Variants in ICA1L observed in about 807,000 individuals in gnomAD.
The protein encoded by ICA1L is islet cell autoantigen 1-like protein.
Under a neutral mutation model 61.3 loss-of-function variants are expected in ICA1L, and 50 were observed. The observed-to-expected ratio is 0.82, with a 90% CI of 0.65 to 1.03. ICA1L has a LOEUF of 1.03. Ranked by LOEUF, ICA1L falls within the 50% of genes least tolerant of loss-of-function variation. The pLI is 0.00. For missense variants in ICA1L, 508 were observed against 556.7 expected, an observed-to-expected ratio of 0.91 and a Z score of 0.88; for synonymous variants, 161 against 191.3, an observed-to-expected ratio of 0.84 and a Z score of 1.31.
chr2:202,780,778 C>A (rs1387667679), intron 12 of ICA1L, among the ~76,000 whole-genome samples: 2 of 152,124 alleles, frequency 1.3e-5, no homozygotes, highest in African/African-American at 2.4e-5. Context: ...TCTGAGTACC[C>A]TGAAGTAGTA....
Position 202,850,733 on chromosome 2 carries a change from G to C in ICA1L, c.-8+20886C>G, listed in dbSNP as rs115297421. On this transcript the variant is annotated intron_variant, in intron 1 of 12. Transcript: ENST00000358299. ...ACACAGTTCAGGATATTATCGAGGA[G>C]AACTTCCCCAACCTAGCAAGAAAGG... Among the ~76,000 whole-genome samples, 489 of 152,282 alleles carry C rather than the reference G, an allele frequency of 3.2e-3. 4 individuals are homozygous for C. The highest frequency in any genetic ancestry group is 0.011 in the African/African-American group (471 of 41,548).
At chr2:202,856,354 T>C (rs1031867330) in intron 1 of ICA1L, among the ~76,000 whole-genome samples, 2 of 152,140 alleles carry the variant, frequency 1.3e-5, no homozygotes, top group African/African-American at 4.8e-5. Context: ...TAATCCATCA[T>C]ATAAACAGAA....
intron 1 of ICA1L, among the ~76,000 whole-genome samples, chr2:202,857,482 G>T (rs762062793): frequency 9.9e-5 from 15 of 151,934 alleles, no homozygotes; most frequent in Non-Finnish European, 2.9e-5. Flanking sequence ...AACTCAAGAT[G>T]GATTAAAGAC....
Position 202,773,588 on chromosome 2 carries a change from TC to T in ICA1L, c.*5944del. Reference sequence around the variant, plus strand: ...AAAGAAGCGTCTGCAACTTAAGCCGTCCACAGTCCTAAGCCTGATATGCTCA... The same window carrying T: ...AAAGAAGCGTCTGCAACTTAAGCCGTCACAGTCCTAAGCCTGATATGCTCA... On this transcript the variant is annotated 3_prime_UTR_variant, in exon 13 of 13. Coordinates refer to ENST00000358299, the MANE Select transcript of ICA1L (RefSeq NM_001288622.3). The T allele has an allele frequency of 2.0e-6, 1 of 492,538 alleles. No homozygotes were observed. The highest frequency in any genetic ancestry group is 3.6e-6 in the Non-Finnish European group (1 of 276,660). The allele number at this position is 492,538 out of a possible 1,614,324, so 30.5% of individuals were successfully genotyped here.
intron 1 of ICA1L, among the ~76,000 whole-genome samples, chr2:202,859,083 C>T (rs1179136186): frequency 6.6e-6 from 1 of 152,132 alleles, no homozygotes; most frequent in Non-Finnish European, 1.5e-5. Flanking sequence ...AGATTATAGG[C>T]TCTTTTGTCT....
At chr2:202,820,053 A>G in intron 4 of ICA1L, 154 bp from the exon 5 acceptor site, 1 of 629,118 alleles carries the variant, frequency 1.6e-6, no homozygotes, top group Admixed American at 2.9e-5. Flanking sequence ...GCAAATAAGG[A>G]TCATATAGCC....
chr2:202,797,054 C>A, intron 9 of ICA1L, 90 bp from the exon 10 acceptor site: 2 of 735,604 alleles, frequency 2.7e-6, no homozygotes, highest in South Asian at 3.9e-5. Context: ...GTCAAGTGTT[C>A]AATTGACCAA....
Position 202,774,258 on chromosome 2 carries a change from A to T in ICA1L, c.*5275T>A, listed in dbSNP as rs950081715. ...TGAGTCTTCTCGCTCCTGTCGGCCA[A>T]AGGCCGTGACCCCGACGCGTGCAGG... On this transcript the variant is annotated 3_prime_UTR_variant, in exon 13 of 13. Transcript: ENST00000358299. 26 of 1,545,580 alleles carry T rather than the reference A, an allele frequency of 1.7e-5. No individual in the cohort carries two copies. The highest frequency in any genetic ancestry group is 2.4e-5 in the South Asian group (2 of 83,768).
chr2:202,840,987 G>A (rs1297670989), intron 1 of ICA1L: 6 of 676,758 alleles, frequency 8.9e-6, no homozygotes, highest in East Asian at 7.0e-5. Context: ...CTCATACTGC[G>A]CCTTGACCTC....
intron 1 of ICA1L, chr2:202,841,595 C>A (rs935762481): frequency 3.1e-5 from 21 of 670,962 alleles, no homozygotes; most frequent in Non-Finnish European, 5.0e-5. Flanking sequence ...GCTTCCCATG[C>A]CACTGGCCCC....
chr2:202,811,716 C>A, intron 9 of ICA1L, 30 bp downstream of exon 9: 1 of 1,427,414 alleles, frequency 7.0e-7, no homozygotes, highest in Non-Finnish European at 9.8e-7. Flanking sequence ...AAAATGTGAC[C>A]ATTTCAAAGT....
intron 11 of ICA1L, among the ~76,000 whole-genome samples, chr2:202,787,902 C>A (rs1692635561): frequency 6.6e-6 from 1 of 152,178 alleles, no homozygotes. Context: ...GACTGACAAT[C>A]ATGGAGAAAA....
chr2:202,857,370 T>TG (rs1344891349), intron 1 of ICA1L, among the ~76,000 whole-genome samples: 7 of 152,056 alleles, frequency 4.6e-5, no homozygotes, highest in African/African-American at 1.7e-4. Context: ...AAACAAGCAA[T>TG]GGGGAAAGGA....
At chr2:202,846,300 T>A (rs1694462517) in intron 1 of ICA1L, among the ~76,000 whole-genome samples, 1 of 151,774 alleles carries the variant, frequency 6.6e-6, no homozygotes, top group Non-Finnish European at 1.5e-5. Context: ...TAGGCTGGAG[T>A]GCAGCAGTGC....
chr2:202,809,419 C>T (rs1057136582), intron 9 of ICA1L, among the ~76,000 whole-genome samples: 2 of 151,944 alleles, frequency 1.3e-5, no homozygotes. Context: ...AGAGGCCAAG[C>T]GGGTGGATCA....
Position 202,795,464 on chromosome 2 carries a change from G to A in ICA1L, c.985+1426C>T, listed in dbSNP as rs746335892. ...TACAAAATTAGCCAGGCATGGTGGC[G>A]GATGCCTGTAATCCCAGCTACTTGG... On this transcript the variant is annotated intron_variant, in intron 10 of 12. Transcript: ENST00000358299. 1.7e-4 allele frequency among the ~76,000 whole-genome samples: 26 copies of A among 151,982 alleles called. 1 individual carries two copies. Among genetic ancestry groups the A allele is most frequent in the African/African-American group, 4.8e-4 (20 of 41,404 alleles).
At chr2:202,798,165 A>C (rs72932745) in intron 9 of ICA1L, among the ~76,000 whole-genome samples, 13,967 of 152,222 alleles carry the variant, frequency 0.092, 758 homozygotes, top group Non-Finnish European at 0.13. Context: ...AATTTTATTT[A>C]TCTGTTCATC....
At chr2:202,817,708 TGAA>T (rs536976407) in intron 5 of ICA1L, among the ~76,000 whole-genome samples, 165 bp from the exon 6 acceptor site, 241 of 152,316 alleles carry the variant, frequency 1.6e-3, no homozygotes, top group Admixed American at 3.6e-3. Flanking sequence ...TGAGTAATGA[TGAA>T]GATTTTGCTA....
chr2:202,839,099 C>T (rs1312288396), intron 1 of ICA1L, among the ~76,000 whole-genome samples: 6 of 152,126 alleles, frequency 3.9e-5, no homozygotes, highest in East Asian at 3.8e-4. Context: ...CAAACCATAT[C>T]GGTGTACTGC....
Sources: gnomAD v4.1 joint callset for allele counts (sites outside exome capture counted in the v4.1 genomes callset) on GRCh38, gnomAD v4.1.1 for gene constraint, MANE v1.5 for transcripts, NCBI Gene and HGNC (gene_info 2026-07-23, HGNC 2026-07-21) for gene names.